Variants in DCTN1 observed in about 807,000 individuals in gnomAD.
DCTN1 encodes the protein 150 kDa dynein-associated polypeptide.
A neutral mutation model predicts 161.2 loss-of-function variants in DCTN1; 61 were observed. The ratio of observed to expected loss-of-function variants is 0.38; its 90% CI spans 0.31 to 0.47. The LOEUF is 0.47. DCTN1 is among the 20% of genes least tolerant of loss of function. The probability of loss-of-function intolerance (pLI) is 0.99; values close to 1 mark genes in which losing one functional copy is unlikely to be tolerated. For synonymous variants in DCTN1, 653 were observed against 632.4 expected, an observed-to-expected ratio of 1.03 and a Z score of -0.49; for missense variants, 1,404 against 1,623.7, an observed-to-expected ratio of 0.86 and a Z score of 2.33.
chr2:74,368,936 T>C, intron 15 of DCTN1, 56 bp from the exon 16 acceptor site: 2 of 1,606,546 alleles, frequency 1.2e-6, no homozygotes, highest in Non-Finnish European at 1.7e-6. Context: ...GCCCCAAAAT[T>C]CCCATGCCTT....
At chr2:74,380,758 G>A (rs1025704904), upstream of DCTN1, among the ~76,000 whole-genome samples, 6 of 152,190 alleles carry the variant, frequency 3.9e-5, no homozygotes, top group African/African-American at 1.4e-4. Context: ...GCAAGAGAAG[G>A]GCAGTAATGA....
chr2:74,361,713 C>T, intron 31 of DCTN1, 77 bp from the exon 32 acceptor site: 1 of 1,596,174 alleles, frequency 6.3e-7, no homozygotes. Flanking sequence ...GGTCCCTGAG[C>T]ACTGAGACCA....
chr2:74,363,300 G>T lies in DCTN1; in HGVS notation c.3339C>A (p.Ile1113=), dbSNP rs1305945839. 1.2e-6 allele frequency: 2 copies of T among 1,613,916 alleles called. No homozygotes were observed. Among genetic ancestry groups the T allele is most frequent in the Non-Finnish European group, 1.7e-6 (2 of 1,179,974 alleles). The change falls in exon 28 of 32, where the codon ATC becomes ATA. Residue 1113 remains isoleucine (I), a synonymous_variant. Transcript: ENST00000628224. The stretch of plus-strand genomic sequence containing the variant: ...CTCCCCGTGGCTCCCTCACCTTGAG[G>T]ATGCTGTTCTCATGCTGGAGCTGGG... ...HISQLQHENS[I]LKGAQMKASL... is the part of the protein sequence containing the mutation.
rs199561177 is a variant in DCTN1, at chr2:74,370,604, A to G, written c.1048+17T>C. On this transcript the variant is annotated intron_variant, in intron 10 of 31. Coordinates refer to ENST00000628224, the MANE Select transcript of DCTN1 (RefSeq NM_004082.5). This position sits in a 1 kb window ranked among gnomAD's most constrained non-coding sequence, Gnocchi z 4.4. Reference sequence around the variant, plus strand: ...CTCACCTGACCGTTTGGCCCCCAGCAGCTGTGGGCCCCTTACCCTTCTCTT... The same window carrying G: ...CTCACCTGACCGTTTGGCCCCCAGCGGCTGTGGGCCCCTTACCCTTCTCTT... 11 of 1,613,952 alleles carry G rather than the reference A, an allele frequency of 6.8e-6. No individual in the cohort carries two copies. Among genetic ancestry groups the G allele is most frequent in the Admixed American group, 1.7e-5 (1 of 60,010 alleles).
Position 74,366,257 on chromosome 2 carries a change from C to T in DCTN1, c.2747G>A (p.Arg916Gln), listed in dbSNP as rs375079576. The T allele has an allele frequency of 1.5e-5, 24 of 1,614,020 alleles. No individual in the cohort carries two copies. In the African/African-American group the frequency reaches 1.9e-4, roughly 13 times the overall value. ...ATCTCCACCTACCTTGCTGGGGGGC[C>T]GCTCTGCATCATACTCCCCCTCCTG... ...AMQEGEYDAE[R>Q]PPSKPPPVEL... Residue 916 changes from arginine (R) to glutamine (Q), a missense_variant, in exon 23 of 32, where the codon CGG becomes CAG. By Grantham distance (43) the Arg-to-Gln change is conservative. This residue lies in a region of DCTN1 where 475 missense variants were observed against 489.8 expected (regional missense o/e 0.97). Coordinates refer to ENST00000628224, the MANE Select transcript of DCTN1 (RefSeq NM_004082.5).
At chr2:74,371,858 A>G in intron 7 of DCTN1, 130 bp from the exon 8 acceptor site, 1 of 733,736 alleles carries the variant, frequency 1.4e-6, no homozygotes. Flanking sequence ...AGAGAGTATC[A>G]AAGCACAGTG....
Position 74,386,223 on chromosome 2 carries a change from C to T in DCTN1, c.-19+5571G>A, listed in dbSNP as rs72905437. Among the ~76,000 whole-genome samples, 1,004 of 152,320 alleles carry T rather than the reference C, an allele frequency of 6.6e-3. 9 individuals are homozygous for T. The highest frequency in any genetic ancestry group is 0.023 in the African/African-American group (936 of 41,548). On this transcript the variant is annotated intron_variant, in intron 1 of 27. Coordinates refer to the DCTN1 transcript ENST00000409240. ...CCCTAGACTCTAGGCTCTCAAGGTT[C>T]AGAAACCGGGAGTTGGGATTAAATT... is the stretch of plus-strand genomic sequence containing the variant.
chr2:74,369,398 C>G lies in DCTN1; in HGVS notation c.1486G>C (p.Val496Leu), dbSNP rs773897036. The G allele has an allele frequency of 4.6e-5, 75 of 1,614,106 alleles. No homozygotes were observed. Among genetic ancestry groups the G allele is most frequent in the Middle Eastern group, 3.3e-4 (2 of 6,084 alleles). ...REQLDMAGAR[V>L]REAQKRVEAA... is the part of the protein sequence containing the mutation. ...TCCACACGCTTCTGGGCCTCACGAA[C>G]CCGCGCGCCTGCCATGTCCAGCTGC... Residue 496 changes from valine to leucine, a missense_variant, in exon 14 of 32, where the codon GTT becomes CTT. Transcript: ENST00000628224. This position sits in a 1 kb window ranked among gnomAD's most constrained non-coding sequence, Gnocchi z 4.9.
Position 74,369,834 on chromosome 2 carries a change from A to AC in DCTN1, c.1392+130_1392+131insG. 2 of 845,114 alleles carry AC rather than the reference A, an allele frequency of 2.4e-6. No individual in the cohort carries two copies. The highest frequency in any genetic ancestry group is 5.2e-5 in the East Asian group (2 of 38,330). The allele number at this position is 845,114 out of a possible 1,614,324, so 52.4% of individuals were successfully genotyped here. Reference sequence around the variant, plus strand: ...CATCTCAGAAAAAAAAAAAAAAAAAAAAGGCAGGGTCAGGGTAGCAAGCCC... The same window carrying AC: ...CATCTCAGAAAAAAAAAAAAAAAAAACAAGGCAGGGTCAGGGTAGCAAGCCC... On this transcript the variant is annotated intron_variant, in intron 13 of 31. Coordinates refer to ENST00000628224, the MANE Select transcript of DCTN1 (RefSeq NM_004082.5). This position sits in a 1 kb window ranked among gnomAD's most constrained non-coding sequence, Gnocchi z 4.9.
Position 74,365,553 on chromosome 2 carries a change from C to T in DCTN1, c.2991G>A (p.Arg997=). Residue 997 remains arginine, a synonymous_variant, in exon 25 of 32, where the codon CGG becomes CGA. Coordinates refer to ENST00000628224, the MANE Select transcript of DCTN1 (RefSeq NM_004082.5). ...GCAGCAGTGCCTGGGTCTCCTCCAG[C>T]CGAGTCTGGACTTTCTCGATGCGCT... ...ADERIEKVQT[R]LEETQALLRK... is the part of the protein sequence containing the mutation. 2.5e-6 allele frequency: 4 copies of T among 1,614,130 alleles called. No homozygotes were observed. Among genetic ancestry groups the T allele is most frequent in the Non-Finnish European group, 3.4e-6 (4 of 1,180,024 alleles).
At chr2:74,373,823 C>T (rs1481504454) in intron 6 of DCTN1, among the ~76,000 whole-genome samples, 1 of 152,232 alleles carries the variant, frequency 6.6e-6, no homozygotes, top group African/African-American at 2.4e-5. Context: ...ACCTCTTCTA[C>T]CCTGGGCTAA....
Position 74,366,349 on chromosome 2 carries a change from G to A in DCTN1, c.2655C>T (p.Pro885=). The A allele has an allele frequency of 1.2e-6, 2 of 1,614,220 alleles. No homozygotes were observed. Among genetic ancestry groups the A allele is most frequent in the Non-Finnish European group, 8.5e-7 (1 of 1,180,052 alleles). ...TGCATGACTGGCGCAGACACTCATAGGGGCTGCTGGAGGGGGTCCCATAGA... is the reference window on the plus strand; with the variant it reads ...TGCATGACTGGCGCAGACACTCATAAGGGCTGCTGGAGGGGGTCCCATAGA... ...EQIYGTPSSS[P]YECLRQSCNI... is the part of the protein sequence containing the mutation. Residue 885 remains proline, a synonymous_variant, in exon 23 of 32, where the codon CCC becomes CCT. Coordinates refer to ENST00000628224, the MANE Select transcript of DCTN1 (RefSeq NM_004082.5).
chr2:74,371,735 A>G lies in DCTN1; in HGVS notation c.454-7T>C, dbSNP rs1275843862. ...TACTGGCTGGGCGCGTGGGCTATTC[A>G]GAAAGGGTAGAGGCAGACCAGAAAG... is the stretch of plus-strand genomic sequence containing the variant. On this transcript the variant is annotated splice_region_variant and splice_polypyrimidine_tract_variant and intron_variant, in intron 7 of 31. Coordinates refer to ENST00000628224, the MANE Select transcript of DCTN1 (RefSeq NM_004082.5). The G allele has an allele frequency of 6.2e-7, 1 of 1,606,106 alleles. No individual in the cohort carries two copies. The highest frequency in any genetic ancestry group is 8.5e-7 in the Non-Finnish European group (1 of 1,177,626).
Position 74,363,617 on chromosome 2 carries a change from G to A in DCTN1, c.3208C>T (p.Arg1070Ter), listed in dbSNP as rs776901859. 6 of 1,613,612 alleles carry A rather than the reference G, an allele frequency of 3.7e-6. No homozygotes were observed. Among genetic ancestry groups the A allele is most frequent in the African/African-American group, 1.3e-5 (1 of 74,916 alleles). ...VSGIAGEEQQRGAIPGQAPGS... is the reference protein window; with the variant it reads ...VSGIAGEEQQ ...CCCGGCCAGAGTGGGTCTCTACCTC[G>A]CTGCTGTTCTTCTGTGCTCGGGATA... The change falls in exon 27 of 32, where the codon CGA becomes TGA. Residue 1070 changes from arginine (R) to a stop codon, truncating the protein, a stop_gained. Transcript: ENST00000628224. LOFTEE classifies it high-confidence loss of function.
rs1003906426 is a variant in DCTN1 at position 74,370,450 on chromosome 2, G to A, written c.1127+16C>T. On this transcript the variant is annotated intron_variant, in intron 11 of 31. Coordinates refer to ENST00000628224, the MANE Select transcript of DCTN1 (RefSeq NM_004082.5). This position sits in a 1 kb window ranked among gnomAD's most constrained non-coding sequence, Gnocchi z 4.4. ...ACACAAGAGTAAGCATCAGAGGCAA[G>A]CACTGAAGACCCTACCTCACCAGGG... The A allele has an allele frequency of 1.9e-6, 3 of 1,614,148 alleles. No homozygotes were observed. The highest frequency in any genetic ancestry group is 2.5e-6 in the Non-Finnish European group (3 of 1,179,982).
intron 31 of DCTN1, 143 bp downstream of exon 31, chr2:74,361,909 T>G: frequency 1.1e-6 from 1 of 910,788 alleles, no homozygotes; most frequent in Non-Finnish European, 1.8e-6. Context: ...TCTGAGTTAC[T>G]TGTAAGTAAA....
chr2:74,370,012 T>G lies in DCTN1; in HGVS notation c.1345A>C (p.Asn449His), dbSNP rs1674716700. The change falls in exon 13 of 32, where the codon AAT becomes CAT. Residue 449 changes from asparagine (N) to histidine (H), a missense_variant. By Grantham distance (68) the Asn-to-His change is moderately conservative. Coordinates refer to ENST00000628224, the MANE Select transcript of DCTN1 (RefSeq NM_004082.5). The surrounding 1 kb of genome is among the most constrained non-coding windows in gnomAD (Gnocchi z 4.4). ...AACTCGCGCACTTTCTCTTCCAGATTCAGGTTCCGATCTGTCAGCATCTCC... is the reference window on the plus strand; with the variant it reads ...AACTCGCGCACTTTCTCTTCCAGATGCAGGTTCCGATCTGTCAGCATCTCC... ...MVEMLTDRNL[N>H]LEEKVRELRE... 6.2e-7 allele frequency: 1 copy of G among 1,614,036 alleles called. No homozygotes were observed. Among genetic ancestry groups the G allele is most frequent in the Admixed American group, 1.7e-5 (1 of 60,002 alleles).
intron 16 of DCTN1, 34 bp downstream of exon 16, chr2:74,368,694 G>C (rs1252922064): frequency 6.2e-7 from 1 of 1,614,202 alleles, no homozygotes; most frequent in Non-Finnish European, 8.5e-7. Context: ...AAGTTCACTA[G>C]ATTTCTGTGG....
rs375037820 is a variant in DCTN1, at chr2:74,374,304, C to G, written c.432+19G>C. On this transcript the variant is annotated intron_variant, in intron 6 of 31. Coordinates refer to ENST00000628224, the MANE Select transcript of DCTN1 (RefSeq NM_004082.5). ...TTGCCCTGGCAACCCAGCAGCAGGA[C>G]GAGAGCAAGCAAGAGTACCTTTCGG... 1.8e-5 allele frequency: 29 copies of G among 1,612,102 alleles called. No individual in the cohort carries two copies. In the East Asian group the frequency reaches 2.2e-4, roughly 12 times the overall value.
Sources: allele counts gnomAD v4.1 joint callset (sites outside exome capture counted in the v4.1 genomes callset), GRCh38; gene constraint gnomAD v4.1.1; regional missense constraint gnomAD v4.1.1; non-coding constraint Gnocchi (gnomAD v3.1); transcripts MANE v1.5; gene names NCBI Gene and HGNC (gene_info 2026-07-23, HGNC 2026-07-21).